PIGT: variants seen among roughly 807,000 people sequenced by gnomAD.
PIGT encodes GPI-anchor transamidase component PIGT.
A neutral mutation model predicts 66.7 loss-of-function variants in PIGT; 57 were observed. That is an observed-to-expected ratio of 0.86 (90% confidence interval 0.69 to 1.07). The LOEUF (loss-of-function observed/expected upper bound fraction) is 1.07, where lower values mean the gene tolerates loss of function less well. PIGT is among the 50% of genes least tolerant of loss of function. The probability of loss-of-function intolerance (pLI) is 0.00; values close to 1 mark genes in which losing one functional copy is unlikely to be tolerated. For missense variants in PIGT, 725 were observed against 740.4 expected (o/e 0.98, Z 0.24); for synonymous variants, 362 against 320.5 (o/e 1.13, Z -1.38).
rs777655684 is a variant in PIGT at position 45,424,521 on chromosome 20, C to T, written c.1426C>T (p.Pro476Ser). 1.2e-6 allele frequency: 2 copies of T among 1,614,058 alleles called. No homozygotes were observed. Among genetic ancestry groups the T allele is most frequent in the Non-Finnish European group, 1.7e-6 (2 of 1,180,038 alleles). The change falls in exon 11 of 12, where the codon CCC becomes TCC. Residue 476 changes from proline to serine, a missense_variant. This residue lies in a region of PIGT where 162 missense variants were observed against 171.1 expected (regional missense o/e 0.95). Coordinates refer to ENST00000279036, the MANE Select transcript of PIGT (RefSeq NM_015937.6). ...VSPSVLSALV[P>S]SMVAAKPVDW... Reference sequence around the variant, plus strand: ...CCCATCTGTCCTCAGCGCCCTTGTGCCCAGCATGGTAGCAGCCAAGCCAGT... The same window carrying T: ...CCCATCTGTCCTCAGCGCCCTTGTGTCCAGCATGGTAGCAGCCAAGCCAGT...
At chr20:45,421,281 A>C in intron 8 of PIGT, 102 bp from the exon 9 acceptor site, 1 of 890,628 alleles carries the variant, frequency 1.1e-6, no homozygotes, top group Non-Finnish European at 1.7e-6. Context: ...GCTGTTCCCC[A>C]TCTACTCACT....
chr20:45,418,768 A>T, intron 2 of PIGT, 84 bp from the exon 3 acceptor site: 3 of 1,543,906 alleles, frequency 1.9e-6, no homozygotes, highest in Non-Finnish European at 2.7e-6. Context: ...TCCTCCTATC[A>T]TAGGTTTAGC....
rs778708730 is a variant in PIGT, at chr20:45,425,585, C to G, written c.1496C>G (p.Ser499Cys). 4 of 1,613,638 alleles carry G rather than the reference C, an allele frequency of 2.5e-6. No homozygotes were observed. The highest frequency in any genetic ancestry group is 1.1e-5 in the South Asian group (1 of 91,080). The change falls in exon 12 of 12, where the codon TCT becomes TGT. Residue 499 changes from serine (S) to cysteine (C), a missense_variant. Ser to Cys is a moderately radical substitution (Grantham distance 112). Coordinates refer to ENST00000279036, the MANE Select transcript of PIGT (RefSeq NM_015937.6). ...TCCCCTGACCCCAGGTTCCCAGTCT[C>G]TGATGGCTCTAACTACTTTGTGCGG... ...SPLFNSLFPV[S>C]DGSNYFVRLY...
At chr20:45,425,181 TTCTTTC>T (rs1432759479) in intron 11 of PIGT, 1 of 147,024 alleles carries the variant, frequency 6.8e-6, no homozygotes, top group African/African-American at 2.5e-5. Flanking sequence ...CTTTCTTTCT[TTCTTTC>T]TTTCTTTCTT....
At position 45,416,312 on chromosome 20, in the gene PIGT, G is replaced by A. The variant is rs1453729727; in HGVS notation, c.156G>A (p.Thr52=). Residue 52 remains threonine (T), a synonymous_variant, in exon 1 of 12, where the codon ACG becomes ACA. Transcript: ENST00000279036. ...TAGCCGCCACATTCCAGTTCCGCAC[G>A]CGCTGGGATTCGGAGCTTCAGCGGG... ...GDVAATFQFR[T]RWDSELQREG... is the part of the protein sequence containing the mutation. 1 of 1,595,128 alleles carries A rather than the reference G, an allele frequency of 6.3e-7. No homozygotes were observed.
chr20:45,418,842 C>G lies in PIGT; in HGVS notation c.366-10C>G. 1.2e-6 allele frequency: 2 copies of G among 1,613,756 alleles called. No homozygotes were observed. Among genetic ancestry groups the G allele is most frequent in the Non-Finnish European group, 1.7e-6 (2 of 1,179,780 alleles). ...CCCAGGACAGTGAGTGGATTTGTGT[C>G]TCTATCCAGTGTGGATAAATCTTGG... is the stretch of plus-strand genomic sequence containing the variant. On this transcript the variant is annotated splice_polypyrimidine_tract_variant and intron_variant, in intron 2 of 11. Coordinates refer to ENST00000279036, the MANE Select transcript of PIGT (RefSeq NM_015937.6).
chr20:45,422,117 C>G (rs1359431681), intron 9 of PIGT: 1 of 152,108 alleles, frequency 6.6e-6, no homozygotes, highest in African/African-American at 2.4e-5. Flanking sequence ...AGGCATAGCA[C>G]TAAAGCACTT....
intron 4 of PIGT, 51 bp downstream of exon 4, chr20:45,419,446 G>T (rs772917338): frequency 2.5e-6 from 4 of 1,606,472 alleles, no homozygotes; most frequent in Middle Eastern, 3.3e-4. Flanking sequence ...TAGAGAACCT[G>T]CGCCCCATGC....
At position 45,426,120 on chromosome 20, in the gene PIGT, C is replaced by T. The variant is rs1341190635; in HGVS notation, c.*294C>T. ...TATTGGACAGCACAGAAAAAGATTT[C>T]CATCACCACAGAAAGGTCGGCTGGC... On this transcript the variant is annotated 3_prime_UTR_variant, in exon 12 of 12. Coordinates refer to ENST00000279036, the MANE Select transcript of PIGT (RefSeq NM_015937.6). 4.3e-6 allele frequency: 2 copies of T among 468,788 alleles called. No homozygotes were observed. The highest frequency in any genetic ancestry group is 7.7e-6 in the Non-Finnish European group (2 of 259,954). The allele number at this position is 468,788 out of a possible 1,614,324, so 29.0% of individuals were successfully genotyped here. A position where few individuals can be genotyped will look rare whatever the true frequency, so the allele number is the denominator to read the frequency against.
chr20:45,424,974 T>G (rs1076633), intron 11 of PIGT: 3,014 of 195,524 alleles, frequency 0.015, 80 homozygotes, highest in East Asian at 0.064. Flanking sequence ...GGTTAGAGGT[T>G]GGGTAGGAAT....
At chr20:45,419,105 C>A in intron 3 of PIGT, 126 bp downstream of exon 3, 1 of 1,259,756 alleles carries the variant, frequency 7.9e-7, no homozygotes, top group Non-Finnish European at 1.1e-6. Context: ...GTGTGCAGGC[C>A]CCCAATACTG....
chr20:45,416,766 A>C, intron 2 of PIGT, 72 bp downstream of exon 2: 1 of 1,405,774 alleles, frequency 7.1e-7, no homozygotes, highest in Non-Finnish European at 9.6e-7. Context: ...TCATCCTGCC[A>C]CTGCTCTTGG....
chr20:45,417,154 C>T (rs1028799258), intron 2 of PIGT: 1 of 153,314 alleles, frequency 6.5e-6, no homozygotes, highest in African/African-American at 2.4e-5. Context: ...CCGCTATTTC[C>T]CAGTGGCTGC....
In PIGT at chr20:45,424,206, A is replaced by C; in HGVS notation, c.1235-10A>C. The stretch of plus-strand genomic sequence containing the variant: ...AGGAAAGAGATGTGGGTGACCTTGC[A>C]TGTCTCCAGGTTACATCCACTACCA... On this transcript the variant is annotated splice_polypyrimidine_tract_variant and intron_variant, in intron 9 of 11. Transcript: ENST00000279036. 1.9e-6 allele frequency: 3 copies of C among 1,613,816 alleles called. No individual in the cohort carries two copies. The African/African-American group carries it at 4.0e-5, about 22-fold the overall frequency.
At chr20:45,419,113 CTG>C (rs765260108) in intron 3 of PIGT, 134 bp downstream of exon 3, 43 of 1,200,766 alleles carry the variant, frequency 3.6e-5, no homozygotes, top group Non-Finnish European at 5.1e-5. Flanking sequence ...GCCCCCAATA[CTG>C]TGCCATCTCT....
intron 1 of PIGT, 34 bp from the exon 2 acceptor site, chr20:45,416,483 G>T: frequency 1.2e-6 from 2 of 1,602,624 alleles, no homozygotes; most frequent in South Asian, 2.2e-5. Flanking sequence ...CCGACGAGGT[G>T]GGGATCGTCA....
chr20:45,426,040 A>G lies in PIGT; in HGVS notation c.*214A>G. On this transcript the variant is annotated 3_prime_UTR_variant, in exon 12 of 12. Coordinates refer to ENST00000279036, the MANE Select transcript of PIGT (RefSeq NM_015937.6). ...CTTAGAAATTCATTTCCTCACCTGT[A>G]GTGGCCACCTCTATATTGAGGTGCT... 1.6e-6 allele frequency: 1 copy of G among 608,250 alleles called. No individual in the cohort carries two copies. The highest frequency in any genetic ancestry group is 2.0e-5 in the South Asian group (1 of 49,776). 37.7% of individuals were successfully genotyped at this position (608,250 alleles called of 1,614,324 possible).
rs6124706 is a variant in PIGT at position 45,421,220 on chromosome 20, G to A, written c.1034-163G>A. The A allele has an allele frequency of 9.6e-5, 59 of 617,212 alleles. No homozygotes were observed. In the East Asian group the frequency reaches 1.6e-3, roughly 17 times the overall value. 38.2% of individuals were successfully genotyped at this position (617,212 alleles called of 1,614,324 possible). A position where few individuals can be genotyped will look rare whatever the true frequency, so the allele number is the denominator to read the frequency against. On this transcript the variant is annotated intron_variant, in intron 8 of 11. Coordinates refer to ENST00000279036, the MANE Select transcript of PIGT (RefSeq NM_015937.6). ...TATTGTCATCATCGCTTGTTGGCTGGGGAAGACAGGGATGATTCCAGAACC... is the reference window on the plus strand; with the variant it reads ...TATTGTCATCATCGCTTGTTGGCTGAGGAAGACAGGGATGATTCCAGAACC...
At position 45,420,622 on chromosome 20, in the gene PIGT, T is replaced by C. The variant is rs1212909605; in HGVS notation, c.962T>C (p.Leu321Pro). ...AAGACCTATGCCATCTATGACTTGCTTGACACCGCCATGATCAACAACTCT... is the reference window on the plus strand; with the variant it reads ...AAGACCTATGCCATCTATGACTTGCCTGACACCGCCATGATCAACAACTCT... ...TRKTYAIYDL[L>P]DTAMINNSRN... Residue 321 changes from leucine (L) to proline (P), a missense_variant, in exon 8 of 12, where the codon CTT (leucine) becomes CCT (proline). Physicochemically the swap from Leu to Pro is moderately conservative, Grantham distance 98 (BLOSUM62 -3). Around this residue, in one of 3 missense-constraint regions of PIGT, gnomAD observed 559 missense variants for 552.7 expected, o/e 1.01. Transcript: ENST00000279036. 1 of 1,613,832 alleles carries C rather than the reference T, an allele frequency of 6.2e-7. No individual in the cohort carries two copies. The highest frequency in any genetic ancestry group is 8.5e-7 in the Non-Finnish European group (1 of 1,179,996).
Sources: gnomAD v4.1 joint callset for allele counts on GRCh38, gnomAD v4.1.1 for gene constraint, gnomAD v4.1.1 regional missense constraint, MANE v1.5 for transcripts, NCBI Gene and HGNC (gene_info 2026-07-23, HGNC 2026-07-21) for gene names.